Variants in FLI1 observed in about 807,000 individuals in gnomAD.
The protein encoded by FLI1 is Fli-1 proto-oncogene, ETS transcription factor.
A neutral mutation model predicts 53.1 loss-of-function variants in FLI1; 13 were observed. The ratio of observed to expected loss-of-function variants is 0.24; its 90% CI spans 0.16 to 0.39. The LOEUF is 0.39. FLI1 is among the 10% of genes least tolerant of loss of function. The pLI is 1.00. For missense variants in FLI1, 424 were observed against 600.5 expected (o/e 0.71, Z 3.07); for synonymous variants, 244 against 236.7 (o/e 1.03, Z -0.28).
chr11:128,719,646 C>T (rs541207692), intron 1 of FLI1, among the ~76,000 whole-genome samples: 150 of 152,232 alleles, frequency 9.9e-4, no homozygotes, highest in African/African-American at 3.4e-3. Context: ...ACATTCATCC[C>T]GTCTACTCAT....
Position 128,806,804 on chromosome 11 carries a change from C to T in FLI1, c.722-376C>T, listed in dbSNP as rs766828469. 90 of 161,046 alleles carry T rather than the reference C, an allele frequency of 5.6e-4. 1 individual carries two copies. The highest frequency in any genetic ancestry group is 5.3e-4 in the Non-Finnish European group (39 of 74,098). The allele number at this position is 161,046 out of a possible 1,614,324, so 10.0% of individuals were successfully genotyped here. A position where few individuals can be genotyped will look rare whatever the true frequency, so the allele number is the denominator to read the frequency against. On this transcript the variant is annotated intron_variant, in intron 6 of 8. Transcript: ENST00000527786. ...CTCAGTAAGGACTTCTCTAACTTTC[C>T]GATTTGAAAATGAAATCCACAGCCT...
intron 1 of FLI1, among the ~76,000 whole-genome samples, chr11:128,755,103 G>T (rs1022501289): frequency 6.6e-6 from 1 of 152,052 alleles, no homozygotes; most frequent in African/African-American, 2.4e-5. Flanking sequence ...TGATTTTGCC[G>T]TCTGCATGTC....
At chr11:128,697,985 C>T (rs961701786) in intron 1 of FLI1, among the ~76,000 whole-genome samples, 4 of 152,050 alleles carry the variant, frequency 2.6e-5, no homozygotes, top group Admixed American at 6.5e-5. Flanking sequence ...TGAGGAGAAG[C>T]GTGTCTAACA....
chr11:128,760,805 C>T (rs1293733966), intron 2 of FLI1, among the ~76,000 whole-genome samples: 3 of 152,082 alleles, frequency 2.0e-5, no homozygotes, highest in Admixed American at 6.5e-5. Flanking sequence ...GGATTACAGG[C>T]GTGAGCCACC....
chr11:128,769,745 T>C (rs2135837072), intron 3 of FLI1, among the ~76,000 whole-genome samples: 1 of 152,370 alleles, frequency 6.6e-6, no homozygotes, highest in Non-Finnish European at 1.5e-5. Flanking sequence ...TTCCATTTAT[T>C]GAGTGCTTTC....
chr11:128,773,705 A>G (rs528572041), intron 4 of FLI1, among the ~76,000 whole-genome samples: 3 of 151,366 alleles, frequency 2.0e-5, no homozygotes, highest in African/African-American at 7.3e-5. Flanking sequence ...AGAGCAGAAG[A>G]ATGGAATTAT....
chr11:128,686,510 G>T (rs867741604), upstream of FLI1: 2 of 456,584 alleles, frequency 4.4e-6, no homozygotes, highest in African/African-American at 2.0e-5. Flanking sequence ...GCCGGACTAG[G>T]CGGATCTGAG....
At chr11:128,701,778 A>T (rs913132347) in intron 1 of FLI1, among the ~76,000 whole-genome samples, 1 of 152,220 alleles carries the variant, frequency 6.6e-6, no homozygotes, top group African/African-American at 2.4e-5. Flanking sequence ...GCAATGAAAG[A>T]TCTTATGTCA....
intron 1 of FLI1, among the ~76,000 whole-genome samples, chr11:128,719,356 CGTGTGTGTGTGTGTGTGTGTGTGT>C (rs56336914): frequency 6.2e-5 from 9 of 145,198 alleles, no homozygotes; most frequent in African/African-American, 1.3e-4. Flanking sequence ...CCCCTTTTCC[CGTGTGTGTGTGTGTGTGTGTGTGT>C]GTGTGTGTGT....
At chr11:128,701,627 A>C (rs559508738) in intron 1 of FLI1, among the ~76,000 whole-genome samples, 1 of 152,358 alleles carries the variant, frequency 6.6e-6, no homozygotes, top group South Asian at 2.1e-4. Context: ...TTGGGAAACA[A>C]TGTGTCTGCC....
At chr11:128,807,324 A>G (rs1320174092) in intron 7 of FLI1, 85 bp downstream of exon 7, 1 of 831,988 alleles carries the variant, frequency 1.2e-6, no homozygotes, top group Non-Finnish European at 1.8e-6. Flanking sequence ...GGTTTAAACA[A>G]TATACCACAT....
chr11:128,700,529 G>C (rs1938282152), intron 1 of FLI1, among the ~76,000 whole-genome samples: 1 of 152,184 alleles, frequency 6.6e-6, no homozygotes, highest in African/African-American at 2.4e-5. Context: ...GAGAGGATGG[G>C]AGTGGAAAGA....
At chr11:128,718,300 G>A (rs560478170) in intron 1 of FLI1, among the ~76,000 whole-genome samples, 14 of 152,198 alleles carry the variant, frequency 9.2e-5, no homozygotes, top group African/African-American at 1.9e-4. Flanking sequence ...AGCTCCTGCC[G>A]TCACTAGATG....
rs781576720 is a variant in FLI1, at chr11:128,812,691, C to T, written c.*1703C>T. 1.4e-5 allele frequency: 3 copies of T among 221,084 alleles called. No homozygotes were observed. The highest frequency in any genetic ancestry group is 5.8e-5 in the Admixed American group (1 of 17,356). The allele number at this position is 221,084 out of a possible 1,614,324, so 13.7% of individuals were successfully genotyped here. On this transcript the variant is annotated 3_prime_UTR_variant, in exon 9 of 9. Transcript: ENST00000527786. ...CCTGTATGTAAGGACTGGAGCAAAG[C>T]GAGCTGGTCTATCCAGACTGGTCTG...
intron 1 of FLI1, among the ~76,000 whole-genome samples, chr11:128,706,477 C>A (rs1008158508): frequency 4.6e-5 from 7 of 152,094 alleles, no homozygotes; most frequent in African/African-American, 1.7e-4. Flanking sequence ...TCACACATTG[C>A]CAACTTAGGA....
intron 5 of FLI1, among the ~76,000 whole-genome samples, chr11:128,793,423 T>A (rs1190239859): frequency 6.6e-6 from 1 of 152,114 alleles, no homozygotes; most frequent in African/African-American, 2.4e-5. Context: ...AGGTTGGAGA[T>A]GAACACTTGT....
At chr11:128,801,852 A>G (rs1263499852) in intron 5 of FLI1, among the ~76,000 whole-genome samples, 2 of 152,148 alleles carry the variant, frequency 1.3e-5, no homozygotes, top group African/African-American at 4.8e-5. Context: ...AGAGATCCCT[A>G]CTCTTATGGA....
At chr11:128,750,884 C>T (rs1388160831) in intron 1 of FLI1, among the ~76,000 whole-genome samples, 15 of 152,252 alleles carry the variant, frequency 9.9e-5, no homozygotes, top group East Asian at 1.9e-4. Flanking sequence ...GATGTACCCA[C>T]GCCATTCTTC....
chr11:128,735,328 C>T (rs1239442765), intron 1 of FLI1, among the ~76,000 whole-genome samples: 1 of 152,224 alleles, frequency 6.6e-6, no homozygotes, highest in Non-Finnish European at 1.5e-5. Flanking sequence ...AGAATTCAAC[C>T]AGCCTAGGAC....
Sources: gnomAD v4.1 joint callset for allele counts (sites outside exome capture counted in the v4.1 genomes callset) on GRCh38, gnomAD v4.1.1 for gene constraint, MANE v1.5 for transcripts, NCBI Gene and HGNC (gene_info 2026-07-23, HGNC 2026-07-21) for gene names.